Variants in ZNF831 observed in about 807,000 individuals in gnomAD.
The protein encoded by ZNF831 is zinc finger protein 831.
Under a neutral mutation model 95.8 loss-of-function variants are expected in ZNF831, and 59 were observed. That is an observed-to-expected ratio of 0.62 (90% confidence interval 0.50 to 0.77). The LOEUF (loss-of-function observed/expected upper bound fraction) is 0.77. Ranked by LOEUF, ZNF831 falls within the 30% of genes least tolerant of loss-of-function variation. The pLI, the probability that ZNF831 is intolerant of heterozygous loss-of-function variation, is 0.00. For missense variants in ZNF831, 2,205 were observed against 2,164.0 expected, an observed-to-expected ratio of 1.02 and a Z score of -0.38; for synonymous variants, 961 against 925.5, an observed-to-expected ratio of 1.04 and a Z score of -0.70.
chr20:59,147,325 C>T (rs372964147), intron 2 of ZNF831, among the ~76,000 whole-genome samples: 5 of 152,212 alleles, frequency 3.3e-5, no homozygotes, highest in South Asian at 2.1e-4. Flanking sequence ...GAAGGGCCCT[C>T]GCGTGTCACT....
chr20:59,193,217 C>G lies in ZNF831; in HGVS notation c.2198C>G (p.Ala733Gly), dbSNP rs1036122928. ...PRVEEAVSSP[A>G]LGGRDSPCSG... ...GTGGAAGAGGCTGTGTCATCCCCTGCACTGGGTGGCAGAGACAGTCCCTGT... is the reference window on the plus strand; with the variant it reads ...GTGGAAGAGGCTGTGTCATCCCCTGGACTGGGTGGCAGAGACAGTCCCTGT... The change falls in exon 2 of 6, where the codon GCA becomes GGA. Residue 733 changes from alanine (A) to glycine (G), a missense_variant. By Grantham distance (60) the Ala-to-Gly change is moderately conservative. Coordinates refer to ENST00000371030, the MANE Select transcript of ZNF831 (RefSeq NM_178457.3). 2 of 1,590,442 alleles carry G rather than the reference C, an allele frequency of 1.3e-6. No individual in the cohort carries two copies. The highest frequency in any genetic ancestry group is 1.7e-6 in the Non-Finnish European group (2 of 1,168,300).
In ZNF831 at chr20:59,191,604, G is replaced by A. The variant is rs1225779406; in HGVS notation, c.585G>A (p.Thr195=). The A allele has an allele frequency of 1.3e-6, 2 of 1,596,346 alleles. No individual in the cohort carries two copies. The highest frequency in any genetic ancestry group is 2.2e-5 in the East Asian group (1 of 44,630). The change falls in exon 2 of 6, where the codon ACG becomes ACA. Residue 195 remains threonine (T), a synonymous_variant. Coordinates refer to ENST00000371030, the MANE Select transcript of ZNF831 (RefSeq NM_178457.3). ...SNLYKHRRTQ[T]HLNNSRLSSE... ...TCTACAAGCACAGGCGGACGCAGACGCACCTCAACAACTCCCGGCTGTCCT... is the reference window on the plus strand; with the variant it reads ...TCTACAAGCACAGGCGGACGCAGACACACCTCAACAACTCCCGGCTGTCCT...
At chr20:59,186,312 A>G (rs1983031006) in intron 1 of ZNF831, among the ~76,000 whole-genome samples, 1 of 152,136 alleles carries the variant, frequency 6.6e-6, no homozygotes, top group Admixed American at 6.5e-5. Flanking sequence ...CCCTTGCTAG[A>G]GGCGATGCAT....
At chr20:59,253,867 C>CCCTTTTTTTTT in intron 5 of ZNF831, 31 bp from the exon 6 acceptor site, 1 of 1,142,324 alleles carries the variant, frequency 8.8e-7, no homozygotes, top group Non-Finnish European at 1.2e-6. Flanking sequence ...CCTCCCCCCC[C>CCCTTTTTTTTT]ACTTTTTTTT....
intron 1 of ZNF831, among the ~76,000 whole-genome samples, chr20:59,143,439 T>C (rs1209307328): frequency 6.6e-6 from 1 of 152,180 alleles, no homozygotes; most frequent in Non-Finnish European, 1.5e-5. Context: ...TTGAAAGCCT[T>C]ATTGGAAGAA....
At chr20:59,166,542 G>A (rs1015892652) in intron 1 of ZNF831, among the ~76,000 whole-genome samples, 10 of 152,066 alleles carry the variant, frequency 6.6e-5, no homozygotes, top group Admixed American at 2.6e-4. Context: ...AGGATGCGTC[G>A]TGGACACCCC....
In ZNF831 at chr20:59,258,496, T is replaced by A. The variant is rs1013437212; in HGVS notation, c.*3753T>A. Reference sequence around the variant, plus strand: ...CTGGTGCAGCAGATCTTTATAGTTATGGAAACTGTCATCATTATCGGAATG... The same window carrying A: ...CTGGTGCAGCAGATCTTTATAGTTAAGGAAACTGTCATCATTATCGGAATG... On this transcript the variant is annotated 3_prime_UTR_variant, in exon 6 of 6. Coordinates refer to ENST00000371030, the MANE Select transcript of ZNF831 (RefSeq NM_178457.3). 3 of 152,676 alleles carry A rather than the reference T, an allele frequency of 2.0e-5. No individual in the cohort carries two copies. The highest frequency in any genetic ancestry group is 7.2e-5 in the African/African-American group (3 of 41,454). The allele number at this position is 152,676 out of a possible 1,614,324, so 9.5% of individuals were successfully genotyped here. A position where few individuals can be genotyped will look rare whatever the true frequency, so the allele number is the denominator to read the frequency against.
intron 1 of ZNF831, among the ~76,000 whole-genome samples, chr20:59,142,457 C>A (rs967632253): frequency 6.6e-6 from 1 of 152,298 alleles, no homozygotes; most frequent in African/African-American, 2.4e-5. Flanking sequence ...TCCCCAATAC[C>A]CCCTACCCCC....
At chr20:59,164,939 G>A (rs1386417501) in intron 1 of ZNF831, among the ~76,000 whole-genome samples, 1 of 152,168 alleles carries the variant, frequency 6.6e-6, no homozygotes, top group Non-Finnish European at 1.5e-5. Flanking sequence ...TTAGAAAAAT[G>A]GTAACATTAG....
At chr20:59,206,874 G>C (rs913163898) in intron 3 of ZNF831, 31 bp from the exon 4 acceptor site, 14 of 1,605,338 alleles carry the variant, frequency 8.7e-6, no homozygotes, top group East Asian at 6.7e-5. Flanking sequence ...CTCCAGGCTG[G>C]TTACTGCAAG....
intron 4 of ZNF831, among the ~76,000 whole-genome samples, chr20:59,233,293 G>C (rs1317222643): frequency 1.3e-5 from 2 of 152,120 alleles, no homozygotes; most frequent in African/African-American, 4.8e-5. Context: ...GGCTGGCGCA[G>C]TGAGCTCACC....
At chr20:59,197,373 C>T (rs1166952619) in intron 3 of ZNF831, among the ~76,000 whole-genome samples, 1 of 152,142 alleles carries the variant, frequency 6.6e-6, no homozygotes, top group Non-Finnish European at 1.5e-5. Context: ...CCATTTTTCT[C>T]ATGAGGAAAT....
intron 4 of ZNF831, among the ~76,000 whole-genome samples, chr20:59,241,524 A>G (rs1294782355): frequency 6.6e-6 from 1 of 152,236 alleles, no homozygotes; most frequent in East Asian, 1.9e-4. Context: ...TTATACGTTT[A>G]TAAGAAACAT....
chr20:59,195,678 G>A (rs931006136), intron 2 of ZNF831, 191 bp from the exon 3 acceptor site: 1 of 782,844 alleles, frequency 1.3e-6, no homozygotes, highest in African/African-American at 1.9e-5. Context: ...CGGGGTTTCA[G>A]GAGGTTCTGT....
Position 59,209,144 on chromosome 20 carries a change from C to T in ZNF831, c.4027+2088C>T, listed in dbSNP as rs1158459932. On this transcript the variant is annotated intron_variant, in intron 4 of 5. Transcript: ENST00000371030. Reference sequence around the variant, plus strand: ...ATCTGTTTGCTTCCCCGGGACATCTCGTGTCTGTCTGTCTAGGATGTCGAC... The same window carrying T: ...ATCTGTTTGCTTCCCCGGGACATCTTGTGTCTGTCTGTCTAGGATGTCGAC... 2.6e-5 allele frequency among the ~76,000 whole-genome samples: 4 copies of T among 152,222 alleles called. No homozygotes were observed. In the East Asian group the frequency reaches 5.8e-4, roughly 22 times the overall value.
chr20:59,170,249 C>T (rs1466901476), intron 1 of ZNF831, among the ~76,000 whole-genome samples: 3 of 152,060 alleles, frequency 2.0e-5, no homozygotes, highest in Non-Finnish European at 4.4e-5. Flanking sequence ...GGGAAATGCT[C>T]CTCTTTTCTA....
chr20:59,138,662 A>G (rs1229422563), intron 1 of ZNF831, among the ~76,000 whole-genome samples: 1 of 152,196 alleles, frequency 6.6e-6, no homozygotes, highest in Admixed American at 6.5e-5. Context: ...TTCTGGGCAA[A>G]AGCTTTTAGA....
intron 4 of ZNF831, among the ~76,000 whole-genome samples, chr20:59,233,947 A>C (rs1986869820): frequency 6.6e-6 from 1 of 152,226 alleles, no homozygotes; most frequent in Non-Finnish European, 1.5e-5. Flanking sequence ...GGAATAGAAG[A>C]GAAAACAACC....
intron 1 of ZNF831, among the ~76,000 whole-genome samples, chr20:59,177,566 T>TCTAC (rs2146509571): frequency 6.6e-6 from 1 of 152,204 alleles, no homozygotes; most frequent in African/African-American, 2.4e-5. Flanking sequence ...CTAGGACGAG[T>TCTAC]TGGTATACAG....
Sources: allele counts gnomAD v4.1 joint callset (sites outside exome capture counted in the v4.1 genomes callset), GRCh38; gene constraint gnomAD v4.1.1; transcripts MANE v1.5; gene names NCBI Gene and HGNC (gene_info 2026-07-23, HGNC 2026-07-21).